SPRR2B: variants seen among roughly 807,000 people sequenced by gnomAD.
SPRR2B encodes the protein small proline rich protein 2B.
A neutral mutation model predicts 1.0 loss-of-function variants in SPRR2B; 1 was observed. The observed-to-expected ratio is 1.01, with a 90% CI of 0.36 to 4.77. The LOEUF (loss-of-function observed/expected upper bound fraction) is 4.77, where lower values mean the gene tolerates loss of function less well. Among genes scored for constraint, SPRR2B ranks in the 30% most tolerant of loss-of-function variants. SPRR2B has a pLI of 0.16. For synonymous variants in SPRR2B, 27 were observed against 33.4 expected (o/e 0.81, Z 0.66); for missense variants, 53 against 88.7 (o/e 0.60, Z 1.62).
chr1:153,077,276 A>T, the SPRR2B span, among the ~76,000 whole-genome samples: 1 of 152,202 alleles, frequency 6.6e-6, no homozygotes, highest in Non-Finnish European at 1.5e-5. Context: ...TGAGGGCAAA[A>T]TTATGGCATT....
chr1:153,083,838 G>A, the SPRR2B span, among the ~76,000 whole-genome samples: 1 of 152,210 alleles, frequency 6.6e-6, no homozygotes, highest in Admixed American at 6.5e-5. Flanking sequence ...GGAACCCAAG[G>A]GGTTTGGTAA....
intron 1 of SPRR2B, among the ~76,000 whole-genome samples, 176 bp downstream of exon 1, chr1:153,071,391 CTG>C (rs1218331704): frequency 1.3e-5 from 2 of 151,512 alleles, no homozygotes; most frequent in Non-Finnish European, 2.9e-5. Flanking sequence ...GAACATATAA[CTG>C]TATATATTTT....
At chr1:153,074,496 T>C (rs991523969), upstream of SPRR2B, among the ~76,000 whole-genome samples, 3 of 152,244 alleles carry the variant, frequency 2.0e-5, no homozygotes, top group Non-Finnish European at 4.4e-5. Context: ...CCTTCCATGC[T>C]GAATCCAATA....
upstream of SPRR2B, among the ~76,000 whole-genome samples, chr1:153,075,417 G>C (rs1654753581): frequency 6.6e-6 from 1 of 151,496 alleles, no homozygotes; most frequent in African/African-American, 2.4e-5. Flanking sequence ...GATCATACTA[G>C]AGTAAAAAAA....
the SPRR2B span, among the ~76,000 whole-genome samples, chr1:153,083,402 C>T: frequency 1.3e-5 from 2 of 152,098 alleles, no homozygotes; most frequent in Non-Finnish European, 2.9e-5. Context: ...CAATATTCCT[C>T]ATGAATATGA....
upstream of SPRR2B, among the ~76,000 whole-genome samples, chr1:153,075,939 T>G (rs1654760066): frequency 6.6e-6 from 1 of 152,186 alleles, no homozygotes; most frequent in Admixed American, 6.5e-5. Flanking sequence ...ATTTGGACTC[T>G]CTACAGCTTT....
chr1:153,070,384 G>C lies in SPRR2B; in HGVS notation c.*237C>G. 1 of 713,418 alleles carries C rather than the reference G, an allele frequency of 1.4e-6. No individual in the cohort carries two copies. Among genetic ancestry groups the C allele is most frequent in the Non-Finnish European group, 2.2e-6 (1 of 450,006 alleles). The allele number at this position is 713,418 out of a possible 1,614,324, so 44.2% of individuals were successfully genotyped here. A position where few individuals can be genotyped will look rare whatever the true frequency, so the allele number is the denominator to read the frequency against. ...TGCAGCTCTTTCTGCTGAAGCTCTG[G>C]GAACTGACAAAGCCAAGGTTCCTTT... On this transcript the variant is annotated 3_prime_UTR_variant, in exon 2 of 2. Transcript: ENST00000368755.
the SPRR2B span, among the ~76,000 whole-genome samples, chr1:153,081,740 A>T: frequency 6.6e-6 from 1 of 152,214 alleles, no homozygotes; most frequent in Non-Finnish European, 1.5e-5. Context: ...GTTGGCAAAC[A>T]CACAATATAT....
Position 153,070,727 on chromosome 1 carries a change from G to C in SPRR2B, c.113C>G (p.Pro38Arg), listed in dbSNP as rs367734093. 1 of 1,609,410 alleles carries C rather than the reference G, an allele frequency of 6.2e-7. No homozygotes were observed. The highest frequency in any genetic ancestry group is 8.5e-7 in the Non-Finnish European group (1 of 1,178,728). ...PPPKCPEPCP[P>R]PKCPQPCPPQ... The stretch of plus-strand genomic sequence containing the variant: ...TGGGCAGGGCTGTGGACACTTTGGT[G>C]GTGGGCAGGGCTCAGGGCACTTCGG... The change falls in exon 2 of 2, where the codon CCA (proline) becomes CGA (arginine). Residue 38 changes from proline to arginine, a missense_variant. Physicochemically the swap from Pro to Arg is moderately radical, Grantham distance 103. Transcript: ENST00000368755.
At chr1:153,082,828 C>T in the SPRR2B span, among the ~76,000 whole-genome samples, 3 of 151,412 alleles carry the variant, frequency 2.0e-5, no homozygotes, top group African/African-American at 7.3e-5. Flanking sequence ...TTAAGCTAAA[C>T]CCCCCAAAAA....
At chr1:153,087,017 G>T in the SPRR2B span, among the ~76,000 whole-genome samples, 1 of 152,078 alleles carries the variant, frequency 6.6e-6, no homozygotes, top group Non-Finnish European at 1.5e-5. Flanking sequence ...AAATCAAGAA[G>T]TTCTTAAGCT....
At chr1:153,076,555 A>C (rs1322060373), upstream of SPRR2B, among the ~76,000 whole-genome samples, 1 of 152,244 alleles carries the variant, frequency 6.6e-6, no homozygotes, top group African/African-American at 2.4e-5. Flanking sequence ...GAACTCTTAC[A>C]TAGGATGAGA....
At chr1:153,083,058 G>A in the SPRR2B span, among the ~76,000 whole-genome samples, 2 of 152,152 alleles carry the variant, frequency 1.3e-5, no homozygotes, top group Admixed American at 1.3e-4. Flanking sequence ...AATTTGAAGA[G>A]AAAGCTATAA....
At chr1:153,077,114 A>G in the SPRR2B span, among the ~76,000 whole-genome samples, 2 of 152,226 alleles carry the variant, frequency 1.3e-5, no homozygotes, top group African/African-American at 4.8e-5. Flanking sequence ...AGGGAAGTGA[A>G]TGATCATATC....
chr1:153,085,817 G>A, the SPRR2B span, among the ~76,000 whole-genome samples: 205 of 152,292 alleles, frequency 1.3e-3, 6 homozygotes, highest in East Asian at 0.038. Flanking sequence ...AAGCCATTTA[G>A]ACTAAAAACA....
At chr1:153,083,626 C>G in the SPRR2B span, among the ~76,000 whole-genome samples, 48 of 152,268 alleles carry the variant, frequency 3.2e-4, 2 homozygotes, top group East Asian at 9.1e-3. Context: ...GAGCCCTGCA[C>G]AGGGACACTA....
the SPRR2B span, among the ~76,000 whole-genome samples, chr1:153,085,552 T>C: frequency 2.0e-4 from 30 of 152,336 alleles, no homozygotes; most frequent in South Asian, 3.3e-3. Context: ...AAGTTAGTGA[T>C]ACATTGGTGT....
At chr1:153,078,115 A>G in the SPRR2B span, among the ~76,000 whole-genome samples, 1 of 152,214 alleles carries the variant, frequency 6.6e-6, no homozygotes, top group Admixed American at 6.5e-5. Context: ...ATTCTCCCCA[A>G]CAACACAAAT....
At chr1:153,077,464 G>A in the SPRR2B span, among the ~76,000 whole-genome samples, 2 of 152,014 alleles carry the variant, frequency 1.3e-5, no homozygotes, top group Non-Finnish European at 2.9e-5. Context: ...ATTTTAGCTT[G>A]TAACTTCAAT....
Sources: allele counts gnomAD v4.1 joint callset (sites outside exome capture counted in the v4.1 genomes callset), GRCh38; gene constraint gnomAD v4.1.1; transcripts MANE v1.5; gene names NCBI Gene and HGNC (gene_info 2026-07-23, HGNC 2026-07-21).